The following PPP2R3A variants were observed in gnomAD, a reference collection of about 807,000 sequenced individuals.
PPP2R3A encodes serine/threonine-protein phosphatase 2A regulatory subunit B'' subunit alpha.
Under a neutral mutation model 106.9 loss-of-function variants are expected in PPP2R3A, and 80 were observed. The observed-to-expected ratio is 0.75, with a 90% CI of 0.62 to 0.90. The LOEUF is 0.90. PPP2R3A is among the 40% of genes least tolerant of loss of function. The probability of loss-of-function intolerance (pLI) is 0.00; values close to 1 mark genes in which losing one functional copy is unlikely to be tolerated. For missense variants in PPP2R3A, 1,386 were observed against 1,350.4 expected (o/e 1.03, Z -0.41); for synonymous variants, 483 against 468.3 (o/e 1.03, Z -0.41).
chr3:136,044,238 G>A (rs1935393982), intron 4 of PPP2R3A, among the ~76,000 whole-genome samples: 1 of 152,174 alleles, frequency 6.6e-6, no homozygotes, highest in Non-Finnish European at 1.5e-5. Flanking sequence ...AAAAATCATA[G>A]TATAGCTCTA....
At chr3:136,065,876 A>C (rs932002578) in intron 5 of PPP2R3A, among the ~76,000 whole-genome samples, 1 of 152,086 alleles carries the variant, frequency 6.6e-6, no homozygotes, top group African/African-American at 2.4e-5. Context: ...AGGTCTTGCT[A>C]TGTTGCCTAG....
chr3:136,017,770 A>G (rs1169113421), intron 2 of PPP2R3A, among the ~76,000 whole-genome samples: 1 of 152,040 alleles, frequency 6.6e-6, no homozygotes, highest in Non-Finnish European at 1.5e-5. Flanking sequence ...TCTAACACTA[A>G]CCTCAATACA....
intron 3 of PPP2R3A, among the ~76,000 whole-genome samples, chr3:136,034,935 G>T (rs1328263990): frequency 6.6e-6 from 1 of 152,046 alleles, no homozygotes; most frequent in Non-Finnish European, 1.5e-5. Flanking sequence ...TAGGATTGTG[G>T]TATTTTCCTG....
In PPP2R3A at chr3:136,103,357, A is replaced by T; in HGVS notation, c.3203A>T (p.Asp1068Val). The change falls in exon 12 of 14, where the codon GAT becomes GTT. Residue 1068 changes from aspartate (D) to valine (V), a missense_variant. Physicochemically the swap from Asp to Val is radical, Grantham distance 152 (BLOSUM62 -3). Coordinates refer to ENST00000264977, the MANE Select transcript of PPP2R3A (RefSeq NM_002718.5). ...LEKYLDHEQR[D>V]PFAVQKDVEN... Reference sequence around the variant, plus strand: ...AAATACTTAGACCATGAACAGAGAGATCCCTTTGCGGTCCAGAAGGTAACA... The same window carrying T: ...AAATACTTAGACCATGAACAGAGAGTTCCCTTTGCGGTCCAGAAGGTAACA... 1 of 1,600,320 alleles carries T rather than the reference A, an allele frequency of 6.2e-7. No individual in the cohort carries two copies. The highest frequency in any genetic ancestry group is 8.6e-7 in the Non-Finnish European group (1 of 1,168,746).
intron 10 of PPP2R3A, among the ~76,000 whole-genome samples, chr3:136,092,185 C>A (rs538061689): frequency 1.3e-5 from 2 of 152,050 alleles, no homozygotes; most frequent in Non-Finnish European, 2.9e-5. Context: ...AAAAAATTAG[C>A]CAGGCGTGGT....
chr3:136,073,107 A>G (rs57670168), intron 6 of PPP2R3A, among the ~76,000 whole-genome samples: 5,874 of 152,186 alleles, frequency 0.039, 332 homozygotes, highest in African/African-American at 0.13. Flanking sequence ...AGCTGGGACT[A>G]CAGGCGCCCA....
At chr3:136,011,976 CACACACACACACACACAT>C (rs992435809) in intron 2 of PPP2R3A, among the ~76,000 whole-genome samples, 5 of 132,334 alleles carry the variant, frequency 3.8e-5, no homozygotes, top group African/African-American at 1.1e-4. Flanking sequence ...AGAAATCATA[CACACACACACACACACAT>C]ACACACACAC....
In PPP2R3A at chr3:136,139,423, C is replaced by T. The variant is rs558815182; in HGVS notation, c.3330-5620C>T. 2.2e-4 allele frequency among the ~76,000 whole-genome samples: 34 copies of T among 152,052 alleles called. 1 individual carries two copies. Among genetic ancestry groups the T allele is most frequent in the Middle Eastern group, 6.8e-3 (2 of 294 alleles). ...AGAGAATTTGTTCTCAGGCTAGGTGCGGTGGTTCACACCTGTACTCCCAGC... is the reference window on the plus strand; with the variant it reads ...AGAGAATTTGTTCTCAGGCTAGGTGTGGTGGTTCACACCTGTACTCCCAGC... On this transcript the variant is annotated intron_variant, in intron 13 of 13. Transcript: ENST00000264977.
At chr3:135,986,793 A>T (rs1420317180) in intron 1 of PPP2R3A, among the ~76,000 whole-genome samples, 1 of 152,166 alleles carries the variant, frequency 6.6e-6, no homozygotes, top group African/African-American at 2.4e-5. Flanking sequence ...CTTTCTTCTG[A>T]ACCATTCTCT....
At chr3:135,999,965 T>G (rs1250485333) in intron 1 of PPP2R3A, among the ~76,000 whole-genome samples, 2 of 152,084 alleles carry the variant, frequency 1.3e-5, no homozygotes, top group Non-Finnish European at 2.9e-5. Context: ...CTCCACCCAC[T>G]TTGGTCACTT....
intron 13 of PPP2R3A, among the ~76,000 whole-genome samples, chr3:136,110,627 A>G (rs1239131330): frequency 6.6e-6 from 1 of 152,230 alleles, no homozygotes; most frequent in Non-Finnish European, 1.5e-5. Flanking sequence ...GGCCTCTGCC[A>G]CAACTAAGCA....
At chr3:136,140,462 AAAC>A (rs1559943265) in intron 13 of PPP2R3A, among the ~76,000 whole-genome samples, 5 of 145,640 alleles carry the variant, frequency 3.4e-5, no homozygotes, top group Non-Finnish European at 4.4e-5. Context: ...AAAAAAAAAA[AAAC>A]CCGGGCTCAG....
chr3:135,972,490 T>G (rs567565024), intron 1 of PPP2R3A, among the ~76,000 whole-genome samples: 1 of 152,346 alleles, frequency 6.6e-6, no homozygotes, highest in South Asian at 2.1e-4. Flanking sequence ...GGAATAGAAT[T>G]GCTGGATTAT....
At chr3:136,034,029 T>G (rs1168830926) in intron 3 of PPP2R3A, among the ~76,000 whole-genome samples, 1 of 144,394 alleles carries the variant, frequency 6.9e-6, no homozygotes, top group Non-Finnish European at 1.5e-5. Context: ...CTTTTTTTCT[T>G]TTTCTTTTTC....
At chr3:136,078,633 GA>G (rs980579196) in intron 7 of PPP2R3A, among the ~76,000 whole-genome samples, 180 bp downstream of exon 7, 5 of 148,684 alleles carry the variant, frequency 3.4e-5, no homozygotes, top group Non-Finnish European at 7.3e-5. Flanking sequence ...TAAAAATGAA[GA>G]GAATAATAAG....
At chr3:136,101,941 A>G (rs1937370391) in intron 10 of PPP2R3A, 66 bp from the exon 11 acceptor site, 1 of 1,466,210 alleles carries the variant, frequency 6.8e-7, no homozygotes, top group African/African-American at 1.4e-5. Context: ...TAAAAGAAAC[A>G]TACTAAATCT....
intron 13 of PPP2R3A, chr3:136,106,988 T>C (rs1937530039): frequency 6.8e-6 from 1 of 147,484 alleles, no homozygotes; most frequent in South Asian, 2.2e-4. Flanking sequence ...AAGATGATCA[T>C]GTTTAGAACA....
At chr3:135,979,269 C>T (rs1937505699) in intron 1 of PPP2R3A, among the ~76,000 whole-genome samples, 1 of 151,392 alleles carries the variant, frequency 6.6e-6, no homozygotes, top group Non-Finnish European at 1.5e-5. Context: ...ATCCCAGCTA[C>T]TCAGGAGGCT....
intron 6 of PPP2R3A, among the ~76,000 whole-genome samples, 170 bp from the exon 7 acceptor site, chr3:136,078,197 T>C (rs561568741): frequency 2.0e-5 from 3 of 152,216 alleles, no homozygotes; most frequent in Non-Finnish European, 4.4e-5. Flanking sequence ...ATCCAAAATA[T>C]ATAGATGTAG....
Sources: allele counts gnomAD v4.1 joint callset (sites outside exome capture counted in the v4.1 genomes callset), GRCh38; gene constraint gnomAD v4.1.1; transcripts MANE v1.5; gene names NCBI Gene and HGNC (gene_info 2026-07-23, HGNC 2026-07-21).